Variants in INPP4B observed in about 807,000 individuals in gnomAD.
The protein encoded by INPP4B is inositol polyphosphate 4-phosphatase type II.
A neutral mutation model predicts 122.5 loss-of-function variants in INPP4B; 55 were observed. The observed-to-expected ratio is 0.45, with a 90% CI of 0.36 to 0.56. The LOEUF is 0.56. INPP4B is among the 20% of genes least tolerant of loss of function. The pLI is 0.00. For synonymous variants in INPP4B, 403 were observed against 388.7 expected (o/e 1.04, Z -0.43); for missense variants, 1,000 against 1,097.7 (o/e 0.91, Z 1.26).
chr4:142,754,072 C>A (rs1770135849), intron 1 of INPP4B, among the ~76,000 whole-genome samples: 1 of 152,042 alleles, frequency 6.6e-6, no homozygotes, highest in African/African-American at 2.4e-5. Context: ...TGGTGCAATT[C>A]CAAGTAAGTT....
chr4:142,208,898 G>T lies in INPP4B; in HGVS notation c.965C>A (p.Thr322Lys). ...QDILTELSKE[T>K]GSSFKSSSSK... ...AAGTAGAGAAATTGCTTCCACACCT[G>T]TTTCCTTGCTAAGTTCTGTCAGAAT... The change falls in exon 13 of 26, where the codon ACA becomes AAA. Residue 322 changes from threonine (T) to lysine (K), a missense_variant and splice_region_variant. By Grantham distance (78) the Thr-to-Lys change is moderately conservative. Transcript: ENST00000262992. 1 of 1,559,092 alleles carries T rather than the reference G, an allele frequency of 6.4e-7. No individual in the cohort carries two copies. The highest frequency in any genetic ancestry group is 2.3e-5 in the East Asian group (1 of 43,814).
At chr4:142,581,037 A>G (rs532732060) in intron 2 of INPP4B, among the ~76,000 whole-genome samples, 1 of 152,208 alleles carries the variant, frequency 6.6e-6, no homozygotes, top group South Asian at 2.1e-4. Flanking sequence ...TCTGGAAGAA[A>G]TATGTCAGAA....
At chr4:142,798,073 TTACA>T (rs1387705750) in intron 1 of INPP4B, among the ~76,000 whole-genome samples, 2 of 151,762 alleles carry the variant, frequency 1.3e-5, no homozygotes, top group Non-Finnish European at 2.9e-5. Flanking sequence ...ATCACAAAAA[TTACA>T]TAGATTCTAA....
At chr4:142,362,510 G>T (rs1785807947) in intron 7 of INPP4B, among the ~76,000 whole-genome samples, 1 of 151,856 alleles carries the variant, frequency 6.6e-6, no homozygotes, top group African/African-American at 2.4e-5. Context: ...TCCAAATTGG[G>T]AATCAATAAA....
At chr4:142,666,721 A>T (rs1011722452) in intron 2 of INPP4B, among the ~76,000 whole-genome samples, 4 of 152,180 alleles carry the variant, frequency 2.6e-5, no homozygotes, top group African/African-American at 7.2e-5. Context: ...GTCCAATTAC[A>T]TCACCAGCAC....
intron 9 of INPP4B, among the ~76,000 whole-genome samples, chr4:142,290,195 C>CTTTTTTTTTTTTTT (rs35260066): frequency 2.6e-5 from 2 of 77,482 alleles, no homozygotes; most frequent in African/African-American, 6.6e-5. Context: ...TTCTTTCTTC[C>CTTTTTTTTTTTTTT]TTTTTTTTTT....
At position 142,530,550 on chromosome 4, in the gene INPP4B, C is replaced by CATATATATATATATATAT. The variant is rs35595178; in HGVS notation, c.-190-67842_-190-67825dup. ...AGTGATATACATATATATGTGTGTG[C>CATATATATATATATATAT]ATATATATATATATATATATATATA... On this transcript the variant is annotated intron_variant, in intron 2 of 25. Coordinates refer to ENST00000262992, the MANE Select transcript of INPP4B (RefSeq NM_001101669.3). Among the ~76,000 whole-genome samples the CATATATATATATATATAT allele has an allele frequency of 3.6e-4, 50 of 140,460 alleles. 1 individual carries two copies. The highest frequency in any genetic ancestry group is 1.3e-3 in the African/African-American group (48 of 37,304). The allele number at this position is 140,460 out of a possible 152,430, so 92.1% of individuals were successfully genotyped here.
intron 2 of INPP4B, among the ~76,000 whole-genome samples, chr4:142,626,423 G>A (rs1349608948): frequency 6.6e-6 from 1 of 152,004 alleles, no homozygotes; most frequent in Non-Finnish European, 1.5e-5. Flanking sequence ...AAGGAGTGAT[G>A]TGGCAAGGAT....
chr4:142,182,841 C>A (rs1364902317), intron 15 of INPP4B, among the ~76,000 whole-genome samples: 1 of 152,084 alleles, frequency 6.6e-6, no homozygotes, highest in Non-Finnish European at 1.5e-5. Context: ...AAATCTTCAA[C>A]TCCCCAGGTA....
chr4:142,401,910 T>C (rs1801736270), intron 7 of INPP4B, among the ~76,000 whole-genome samples: 1 of 152,218 alleles, frequency 6.6e-6, no homozygotes, highest in Non-Finnish European at 1.5e-5. Context: ...GGGGCTAAGA[T>C]GCATAGAAAT....
intron 2 of INPP4B, among the ~76,000 whole-genome samples, chr4:142,565,838 G>C (rs990023179): frequency 2.4e-4 from 36 of 152,116 alleles, no homozygotes; most frequent in African/African-American, 8.4e-4. Context: ...AAGACATGTT[G>C]ATAAGGTCAC....
At chr4:142,157,069 T>C (rs956574594) in intron 17 of INPP4B, among the ~76,000 whole-genome samples, 1 of 152,158 alleles carries the variant, frequency 6.6e-6, no homozygotes, top group South Asian at 2.1e-4. Flanking sequence ...GCTGAGTTAC[T>C]ACCAGCATTG....
intron 10 of INPP4B, among the ~76,000 whole-genome samples, chr4:142,263,800 C>T (rs1477655610): frequency 6.6e-6 from 1 of 151,052 alleles, no homozygotes; most frequent in Non-Finnish European, 1.5e-5. Context: ...GAGGAGGTGA[C>T]ATTTCTGCAT....
At chr4:142,488,752 G>T (rs975166101) in intron 2 of INPP4B, among the ~76,000 whole-genome samples, 1 of 151,894 alleles carries the variant, frequency 6.6e-6, no homozygotes, top group Admixed American at 6.6e-5. Flanking sequence ...CCCAGTATTG[G>T]TATTGTGTAC....
At chr4:142,301,007 A>G (rs1427748483) in intron 9 of INPP4B, among the ~76,000 whole-genome samples, 3 of 152,186 alleles carry the variant, frequency 2.0e-5, no homozygotes, top group Non-Finnish European at 2.9e-5. Flanking sequence ...AGTCCTCGTT[A>G]AGATGAGCTG....
intron 2 of INPP4B, among the ~76,000 whole-genome samples, chr4:142,720,807 C>CTATATATATATATATA (rs1462805409): frequency 1.5e-4 from 2 of 13,738 alleles, no homozygotes; most frequent in Non-Finnish European, 2.9e-4. Flanking sequence ...CTCTCTCTCT[C>CTATATATATATATATA]TCTATATATA....
intron 2 of INPP4B, chr4:142,496,960 G>T (rs1419276634): frequency 6.6e-6 from 1 of 151,918 alleles, no homozygotes; most frequent in African/African-American, 2.4e-5. Context: ...AAAAAAAGGG[G>T]GGGGGAAGAA....
chr4:142,598,040 C>A (rs909855163), intron 2 of INPP4B, among the ~76,000 whole-genome samples: 2 of 152,128 alleles, frequency 1.3e-5, no homozygotes, highest in African/African-American at 4.8e-5. Context: ...GAAAGAAAAA[C>A]CAAAATTATG....
At chr4:142,490,745 A>G (rs1821772321) in intron 2 of INPP4B, among the ~76,000 whole-genome samples, 1 of 152,178 alleles carries the variant, frequency 6.6e-6, no homozygotes. Context: ...GGTAACCACC[A>G]TTCTACTCTC....
Sources: allele counts gnomAD v4.1 joint callset (sites outside exome capture counted in the v4.1 genomes callset), GRCh38; gene constraint gnomAD v4.1.1; transcripts MANE v1.5; gene names NCBI Gene and HGNC (gene_info 2026-07-23, HGNC 2026-07-21).